The following TRAPPC9 variants were observed in gnomAD, a reference collection of about 807,000 sequenced individuals.
The protein encoded by TRAPPC9 is IKK2 binding protein.
TRAPPC9 carries 83 observed loss-of-function variants against 124.0 expected under a neutral mutation model. The ratio of observed to expected loss-of-function variants is 0.67; its 90% CI spans 0.56 to 0.80. The LOEUF (loss-of-function observed/expected upper bound fraction) is 0.80, where lower values mean the gene tolerates loss of function less well. TRAPPC9 is among the 30% of genes least tolerant of loss of function. The pLI is 0.00. For missense variants in TRAPPC9, 1,302 were observed against 1,508.3 expected (o/e 0.86, Z 2.27); for synonymous variants, 638 against 617.5 (o/e 1.03, Z -0.49).
intron 16 of TRAPPC9, among the ~76,000 whole-genome samples, chr8:140,238,878 C>G (rs556681859): frequency 2.4e-4 from 36 of 152,294 alleles, no homozygotes; most frequent in African/African-American, 8.4e-4. Context: ...GAAGCGCGAC[C>G]CCCGTGCTGA....
chr8:139,884,634 G>A (rs1169672231), intron 21 of TRAPPC9, among the ~76,000 whole-genome samples: 1 of 152,238 alleles, frequency 6.6e-6, no homozygotes, highest in East Asian at 1.9e-4. Flanking sequence ...TGAGTCTAGG[G>A]ACACGGCTGA....
chr8:139,910,966 T>C (rs1431558999), intron 19 of TRAPPC9, among the ~76,000 whole-genome samples: 4 of 152,234 alleles, frequency 2.6e-5, no homozygotes, highest in Non-Finnish European at 4.4e-5. Flanking sequence ...GTTAAGACTT[T>C]GGGAGACCGT....
At chr8:140,243,947 T>G (rs2063920616) in intron 16 of TRAPPC9, among the ~76,000 whole-genome samples, 1 of 152,204 alleles carries the variant, frequency 6.6e-6, no homozygotes, top group African/African-American at 2.4e-5. Flanking sequence ...GAGCTCTGCC[T>G]CCCGTCAGCT....
At chr8:140,022,639 A>C (rs1839891056) in intron 18 of TRAPPC9, among the ~76,000 whole-genome samples, 1 of 152,212 alleles carries the variant, frequency 6.6e-6, no homozygotes, top group South Asian at 2.1e-4. Context: ...AGAAACACAC[A>C]ACAGGTTCAT....
intron 21 of TRAPPC9, among the ~76,000 whole-genome samples, chr8:139,816,888 A>T (rs1824875331): frequency 6.6e-6 from 1 of 152,036 alleles, no homozygotes; most frequent in Admixed American, 6.5e-5. Context: ...ATGCAGGCAC[A>T]GTCTCAGCTT....
chr8:140,396,615 A>C, intron 7 of TRAPPC9, among the ~76,000 whole-genome samples: 1 of 141,444 alleles, frequency 7.1e-6, no homozygotes, highest in Non-Finnish European at 1.5e-5. Context: ...GCCATCTCTG[A>C]CTTTATTTGG....
At chr8:140,360,928 G>T (rs901679695) in intron 8 of TRAPPC9, among the ~76,000 whole-genome samples, 4 of 152,006 alleles carry the variant, frequency 2.6e-5, no homozygotes, top group African/African-American at 7.2e-5. Flanking sequence ...GTAGAGACAG[G>T]GTCTCCCCAT....
At chr8:140,251,034 T>C (rs1047018829) in intron 16 of TRAPPC9, among the ~76,000 whole-genome samples, 2 of 152,064 alleles carry the variant, frequency 1.3e-5, no homozygotes, top group African/African-American at 2.4e-5. Flanking sequence ...CAGGACAAAA[T>C]AGGTCTGCAC....
rs1344833542 is a variant in TRAPPC9 at position 139,752,715 on chromosome 8, A to C, written c.3056-20513T>G. On this transcript the variant is annotated intron_variant, in intron 21 of 22. Coordinates refer to ENST00000438773, the MANE Select transcript of TRAPPC9 (RefSeq NM_001160372.4). Reference sequence around the variant, plus strand: ...CCATCCATCTACCATTCATCCATTCATACATCCATCCACTACCACCTGTTC... The same window carrying C: ...CCATCCATCTACCATTCATCCATTCCTACATCCATCCACTACCACCTGTTC... Among the ~76,000 whole-genome samples the C allele has an allele frequency of 2.7e-5, 4 of 150,718 alleles. No individual in the cohort carries two copies. The East Asian group carries it at 6.0e-4, about 23-fold the overall frequency.
chr8:139,883,439 G>A (rs959708108), intron 21 of TRAPPC9, among the ~76,000 whole-genome samples: 72 of 152,362 alleles, frequency 4.7e-4, no homozygotes, highest in African/African-American at 1.2e-3. Flanking sequence ...AACACAGCAG[G>A]GGGCTGAGCC....
intron 16 of TRAPPC9, among the ~76,000 whole-genome samples, chr8:140,250,748 C>T (rs1291263007): frequency 1.3e-5 from 2 of 152,154 alleles, no homozygotes; most frequent in African/African-American, 4.8e-5. Context: ...ATGTAAACAA[C>T]CAGCCAGAGC....
At chr8:139,866,094 G>A (rs750048521) in intron 21 of TRAPPC9, among the ~76,000 whole-genome samples, 69 of 143,980 alleles carry the variant, frequency 4.8e-4, no homozygotes, top group Non-Finnish European at 9.6e-4. Context: ...AAAGACCTGG[G>A]ATCAAAGGAA....
chr8:140,115,801 G>A (rs552834295), intron 17 of TRAPPC9, among the ~76,000 whole-genome samples: 18 of 152,160 alleles, frequency 1.2e-4, no homozygotes, highest in African/African-American at 2.2e-4. Flanking sequence ...TACGGGCTAC[G>A]GGTCACTGAG....
intron 21 of TRAPPC9, among the ~76,000 whole-genome samples, chr8:139,791,184 G>T (rs1285710707): frequency 6.6e-6 from 1 of 152,184 alleles, no homozygotes; most frequent in Non-Finnish European, 1.5e-5. Context: ...CTCAGGGACG[G>T]TCCCTGTCAT....
At chr8:140,437,867 C>G (rs1159914330) in intron 3 of TRAPPC9, among the ~76,000 whole-genome samples, 3 of 152,218 alleles carry the variant, frequency 2.0e-5, no homozygotes, top group African/African-American at 7.2e-5. Context: ...GAAGACCACA[C>G]ACAGACATCC....
At chr8:139,827,121 G>A (rs1393219751) in intron 21 of TRAPPC9, among the ~76,000 whole-genome samples, 1 of 152,166 alleles carries the variant, frequency 6.6e-6, no homozygotes, top group Non-Finnish European at 1.5e-5. Context: ...CTAAAATGGG[G>A]AAGGGAAGGC....
chr8:140,038,035 C>T (rs959023414), intron 17 of TRAPPC9, among the ~76,000 whole-genome samples: 6 of 150,132 alleles, frequency 4.0e-5, no homozygotes, highest in African/African-American at 9.7e-5. Context: ...AGTCCTTATT[C>T]CAGAAGACTA....
intron 2 of TRAPPC9, among the ~76,000 whole-genome samples, chr8:140,446,981 C>G (rs2071284423): frequency 6.6e-6 from 1 of 152,206 alleles, no homozygotes; most frequent in African/African-American, 2.4e-5. Flanking sequence ...CACTCCAGCT[C>G]CAGCATTCCT....
intron 21 of TRAPPC9, among the ~76,000 whole-genome samples, chr8:139,748,052 G>A (rs77370392): frequency 2.5e-3 from 50 of 20,050 alleles, no homozygotes; most frequent in Non-Finnish European, 3.3e-3. Context: ...AGTGGGTGTG[G>A]GGGTGTCCCG....
Sources: allele counts gnomAD v4.1 joint callset (sites outside exome capture counted in the v4.1 genomes callset), GRCh38; gene constraint gnomAD v4.1.1; transcripts MANE v1.5; gene names NCBI Gene and HGNC (gene_info 2026-07-23, HGNC 2026-07-21).